Variants in BTRC observed in about 807,000 individuals in gnomAD.
BTRC encodes beta-transducin repeat containing E3 ubiquitin protein ligase.
Under a neutral mutation model 85.5 loss-of-function variants are expected in BTRC, and 42 were observed. That is an observed-to-expected ratio of 0.49 (90% CI 0.38 to 0.64). The LOEUF (loss-of-function observed/expected upper bound fraction) is 0.64. Among genes scored for constraint, BTRC ranks in the 30% least tolerant of loss-of-function variants. BTRC has a pLI of 0.00. For missense variants in BTRC, 594 were observed against 743.5 expected (o/e 0.80, Z 2.34); for synonymous variants, 255 against 263.3 (o/e 0.97, Z 0.30).
rs1229423615 is a variant in BTRC at position 101,354,303 on chromosome 10, CACTGCGGGACCGGGCAGCGGG to C, written c.48+78_48+98del. 2.7e-6 allele frequency: 4 copies of C among 1,496,742 alleles called. No individual in the cohort carries two copies. The African/African-American group carries it at 4.3e-5, about 16-fold the overall frequency. The allele number at this position is 1,496,742 out of a possible 1,614,324, so 92.7% of individuals were successfully genotyped here. On this transcript the variant is annotated intron_variant, in intron 1 of 14. Coordinates refer to ENST00000370187, the MANE Select transcript of BTRC (RefSeq NM_033637.4). The stretch of plus-strand genomic sequence containing the variant: ...GCGTCGCTGGCCTGGGCCGCCCGCC[CACTGCGGGACCGGGCAGCGGG>C]ACCCTGGGCCGAGGCTGGCGGCGGA...
At chr10:101,548,795 C>A (rs576330211) in intron 13 of BTRC, among the ~76,000 whole-genome samples, 1 of 151,974 alleles carries the variant, frequency 6.6e-6, no homozygotes, top group South Asian at 2.1e-4. Flanking sequence ...TAGCTAAGGC[C>A]TGTAATCCCA....
At chr10:101,503,509 A>G (rs1307141115) in intron 4 of BTRC, among the ~76,000 whole-genome samples, 1 of 152,244 alleles carries the variant, frequency 6.6e-6, no homozygotes, top group African/African-American at 2.4e-5. Context: ...CTTTTCCTGG[A>G]TAAATTAAGA....
intron 1 of BTRC, among the ~76,000 whole-genome samples, chr10:101,374,959 T>A (rs12571210): frequency 1 from 151,723 of 152,230 alleles, 75,613 homozygotes; most frequent in Middle Eastern, 1. Context: ...GATCTGCCAG[T>A]TAAGGAGGCA....
rs527601186 is a variant in BTRC, at chr10:101,539,247, C to T, written c.1656+876C>T. Among the ~76,000 whole-genome samples the T allele has an allele frequency of 2.0e-5, 3 of 152,226 alleles. No homozygotes were observed. In the South Asian group the frequency reaches 6.2e-4, roughly 32 times the overall value. On this transcript the variant is annotated intron_variant, in intron 13 of 14. Transcript: ENST00000370187. ...CTAAATTATTTATCATGTTGTTAGC[C>T]AAGGGCCCAGATTGATAAATGCTGC... is the stretch of plus-strand genomic sequence containing the variant.
chr10:101,551,619 G>C (rs2062650833), intron 14 of BTRC, among the ~76,000 whole-genome samples: 1 of 152,208 alleles, frequency 6.6e-6, no homozygotes, highest in Non-Finnish European at 1.5e-5. Flanking sequence ...AGCTGCTGAG[G>C]AGCGTTGCTG....
intron 3 of BTRC, among the ~76,000 whole-genome samples, chr10:101,463,257 G>A (rs1486648509): frequency 1.3e-5 from 2 of 152,106 alleles, no homozygotes; most frequent in African/African-American, 4.8e-5. Context: ...TGTTGGCCAG[G>A]CTGGTCGCAA....
intron 1 of BTRC, among the ~76,000 whole-genome samples, chr10:101,385,792 A>T (rs1011521255): frequency 1.6e-4 from 24 of 150,798 alleles, no homozygotes; most frequent in African/African-American, 5.8e-4. Flanking sequence ...CCTGAATCCT[A>T]TCTATGGACC....
intron 4 of BTRC, among the ~76,000 whole-genome samples, chr10:101,508,708 A>G (rs1946605296): frequency 6.6e-6 from 1 of 152,088 alleles, no homozygotes; most frequent in Non-Finnish European, 1.5e-5. Context: ...AGGTCAGGAG[A>G]TCAAGACCAC....
At chr10:101,424,514 T>G (rs1169016538) in intron 1 of BTRC, among the ~76,000 whole-genome samples, 2 of 152,198 alleles carry the variant, frequency 1.3e-5, no homozygotes, top group Non-Finnish European at 2.9e-5. Flanking sequence ...ACAGCAATCT[T>G]TTTATTGTTG....
chr10:101,554,217 A>G lies in BTRC; in HGVS notation c.*1094A>G, dbSNP rs1252294615. The G allele has an allele frequency of 1.3e-5, 2 of 152,182 alleles. No individual in the cohort carries two copies. Among genetic ancestry groups the G allele is most frequent in the Non-Finnish European group, 2.9e-5 (2 of 68,026 alleles). 9.4% of individuals were successfully genotyped at this position (152,182 alleles called of 1,614,324 possible). On this transcript the variant is annotated 3_prime_UTR_variant, in exon 15 of 15. Coordinates refer to ENST00000370187, the MANE Select transcript of BTRC (RefSeq NM_033637.4). ...TGTGTAATAAAAAGCATTGTACTTC[A>G]TCTTAAATCACTGGTAAGGCTCAGC...
chr10:101,504,550 T>A (rs1296878426), intron 4 of BTRC, among the ~76,000 whole-genome samples: 1 of 152,036 alleles, frequency 6.6e-6, no homozygotes, highest in Non-Finnish European at 1.5e-5. Flanking sequence ...CCCCACTGCC[T>A]AGTATCCACT....
In BTRC at chr10:101,495,959, A is replaced by G. The variant is rs137912587; in HGVS notation, c.324+16502A>G. ...ACATTATCCTCACTTCTAACACCATACATTAGTTCTGCCTGGTTTTGAGCC... is the reference window on the plus strand; with the variant it reads ...ACATTATCCTCACTTCTAACACCATGCATTAGTTCTGCCTGGTTTTGAGCC... On this transcript the variant is annotated intron_variant, in intron 4 of 14. Transcript: ENST00000370187. Among the ~76,000 whole-genome samples the G allele has an allele frequency of 1.1e-4, 16 of 151,864 alleles. No homozygotes were observed. In the East Asian group the frequency reaches 1.9e-3, roughly 18 times the overall value.
intron 4 of BTRC, among the ~76,000 whole-genome samples, chr10:101,494,083 T>C (rs747261046): frequency 1.3e-5 from 2 of 152,228 alleles, no homozygotes; most frequent in Non-Finnish European, 2.9e-5. Flanking sequence ...CAGCTCTTGA[T>C]TGAGGCTATC....
At chr10:101,490,104 A>ATTT (rs11450967) in intron 4 of BTRC, among the ~76,000 whole-genome samples, 1 of 149,904 alleles carries the variant, frequency 6.7e-6, no homozygotes, top group Non-Finnish European at 1.5e-5. Flanking sequence ...TCCCACCCCC[A>ATTT]TTTTTTTTTC....
intron 3 of BTRC, among the ~76,000 whole-genome samples, chr10:101,476,849 T>G (rs1253182441): frequency 6.6e-6 from 1 of 152,256 alleles, no homozygotes; most frequent in Non-Finnish European, 1.5e-5. Flanking sequence ...TTTTTCTTCT[T>G]AAATCCAACA....
At chr10:101,409,836 T>A (rs1943728843) in intron 1 of BTRC, among the ~76,000 whole-genome samples, 1 of 152,228 alleles carries the variant, frequency 6.6e-6, no homozygotes, top group South Asian at 2.1e-4. Context: ...TGGGCTGTTT[T>A]CAACCTTTTG....
At chr10:101,503,968 C>T (rs1946454439) in intron 4 of BTRC, among the ~76,000 whole-genome samples, 1 of 152,118 alleles carries the variant, frequency 6.6e-6, no homozygotes, top group Non-Finnish European at 1.5e-5. Context: ...CACTTTTTAA[C>T]TGTTTTACAT....
chr10:101,483,979 A>G lies in BTRC; in HGVS notation c.324+4522A>G, dbSNP rs534699045. Among the ~76,000 whole-genome samples, 14 of 152,300 alleles carry G rather than the reference A, an allele frequency of 9.2e-5. No individual in the cohort carries two copies. The South Asian group carries it at 1.4e-3, about 16-fold the overall frequency. The stretch of plus-strand genomic sequence containing the variant: ...GGTCTTAGGTTTTTTTCCCTAATTT[A>G]CCCTTACCCACACCCACAGATACAC... On this transcript the variant is annotated intron_variant, in intron 4 of 14. Transcript: ENST00000370187.
At position 101,553,839 on chromosome 10, in the gene BTRC, G is replaced by A. The variant is rs1015560140; in HGVS notation, c.*716G>A. 5.9e-5 allele frequency: 9 copies of A among 152,682 alleles called. No homozygotes were observed. The highest frequency in any genetic ancestry group is 2.2e-4 in the African/African-American group (9 of 41,440). 9.5% of individuals were successfully genotyped at this position (152,682 alleles called of 1,614,324 possible). ...TGTCTGCTTCACCTGAGAAGAAAGTGTACGAAGAGAGTGTCCTCCTCTCAC... is the reference window on the plus strand; with the variant it reads ...TGTCTGCTTCACCTGAGAAGAAAGTATACGAAGAGAGTGTCCTCCTCTCAC... On this transcript the variant is annotated 3_prime_UTR_variant, in exon 15 of 15. Transcript: ENST00000370187.
Sources: gnomAD v4.1 joint callset for allele counts (sites outside exome capture counted in the v4.1 genomes callset) on GRCh38, gnomAD v4.1.1 for gene constraint, MANE v1.5 for transcripts, NCBI Gene and HGNC (gene_info 2026-07-23, HGNC 2026-07-21) for gene names.